CCZ1B: variants seen among roughly 807,000 people sequenced by gnomAD.
CCZ1B encodes vacuolar fusion protein CCZ1 homolog B.
CCZ1B carries 25 observed loss-of-function variants against 58.8 expected under a neutral mutation model. The ratio of observed to expected loss-of-function variants is 0.43; its 90% CI spans 0.31 to 0.59. CCZ1B has a LOEUF of 0.59. Among genes scored for constraint, CCZ1B ranks in the 20% least tolerant of loss-of-function variants. The pLI is 0.12. For missense variants in CCZ1B, 180 were observed against 501.5 expected (o/e 0.36, Z 6.12); for synonymous variants, 66 against 173.2 (o/e 0.38, Z 4.86).
In CCZ1B at chr7:6,799,085, C is replaced by T. The variant is rs1782714965; in HGVS notation, c.*139G>A. On this transcript the variant is annotated 3_prime_UTR_variant, in exon 15 of 15. Transcript: ENST00000316731. ...ATCTAAAAACCTCAGATCAGCAGACCGAGTCGAAATCTGATTCTTCAAAGC... is the reference window on the plus strand; with the variant it reads ...ATCTAAAAACCTCAGATCAGCAGACTGAGTCGAAATCTGATTCTTCAAAGC... 4.9e-6 allele frequency: 3 copies of T among 615,772 alleles called. No homozygotes were observed. Among genetic ancestry groups the T allele is most frequent in the East Asian group, 4.6e-5 (1 of 21,518 alleles). 38.1% of individuals were successfully genotyped at this position (615,772 alleles called of 1,614,324 possible).
In CCZ1B at chr7:6,824,494, C is replaced by T. The variant is rs1365975246; in HGVS notation, c.273G>A (p.Gln91=). 3.7e-6 allele frequency: 6 copies of T among 1,607,564 alleles called. No individual in the cohort carries two copies. The African/African-American group carries it at 8.3e-5, about 22-fold the overall frequency. The change falls in exon 3 of 15, where the codon CAG becomes CAA. Residue 91 remains glutamine, a synonymous_variant. Coordinates refer to ENST00000316731, the MANE Select transcript of CCZ1B (RefSeq NM_198097.5). The stretch of plus-strand genomic sequence containing the variant: ...AATTTTCTTCTGGTTCATTGAAGAA[C>T]TGTCTGTTCTTCTGTGTATGTAAAG... The part of the protein sequence containing the change: ...AKSLHTQKNR[Q]FFNEPEENFW...
chr7:6,809,080 A>T (rs1285288181), intron 10 of CCZ1B, among the ~76,000 whole-genome samples: 3 of 132,390 alleles, frequency 2.3e-5, no homozygotes, highest in African/African-American at 9.2e-5. Flanking sequence ...AAACACAGCA[A>T]GTGAAGGGTT....
At chr7:6,800,161 GT>G (rs1188581793) in intron 14 of CCZ1B, among the ~76,000 whole-genome samples, 1 of 112,070 alleles carries the variant, frequency 8.9e-6, no homozygotes, top group Admixed American at 9.7e-5. Flanking sequence ...CCGAGGTGAG[GT>G]CCCCTCTCTC....
chr7:6,822,451 A>G (rs567413089), intron 5 of CCZ1B, 87 bp from the exon 6 acceptor site: 16 of 1,455,232 alleles, frequency 1.1e-5, no homozygotes, highest in Admixed American at 2.9e-5. Context: ...CCTTTAGATT[A>G]TTAATTCAGC....
rs865851150 is a variant in CCZ1B at position 6,818,651 on chromosome 7, C to A, written c.698+1115G>T. ...AAGAAAGACAAGAAAGAAAGAAAGA[C>A]AGAAAGAAAGACAGACAGAAAGAAA... On this transcript the variant is annotated intron_variant, in intron 7 of 14. Transcript: ENST00000316731. Among the ~76,000 whole-genome samples, 648 of 123,116 alleles carry A rather than the reference C, an allele frequency of 5.3e-3. 30 individuals carry two copies. Among genetic ancestry groups the A allele is most frequent in the African/African-American group, 0.019 (590 of 30,682 alleles). The allele number at this position is 123,116 out of a possible 152,430, so 80.8% of individuals were successfully genotyped here. A position where few individuals can be genotyped will look rare whatever the true frequency, so the allele number is the denominator to read the frequency against.
Position 6,814,754 on chromosome 7 carries a change from C to A in CCZ1B, c.780+10G>T, listed in dbSNP as rs189822152. ...CATGTAATTGTGTGCAGCTATGGTA[C>A]CCATCATACCTCAGGTTCGATGTGC... is the stretch of plus-strand genomic sequence containing the variant. On this transcript the variant is annotated intron_variant, in intron 8 of 14. Transcript: ENST00000316731. The A allele has an allele frequency of 2.2e-4, 360 of 1,602,714 alleles. 3 individuals carry two copies. In the East Asian group the frequency reaches 6.0e-3, roughly 27 times the overall value.
At chr7:6,810,340 G>T (rs1331490378) in intron 10 of CCZ1B, among the ~76,000 whole-genome samples, 1 of 149,086 alleles carries the variant, frequency 6.7e-6, no homozygotes, top group East Asian at 1.9e-4. Context: ...CTTATCTGTG[G>T]TTGACAGCTT....
At chr7:6,810,290 G>T (rs1440608933) in intron 10 of CCZ1B, among the ~76,000 whole-genome samples, 2 of 147,174 alleles carry the variant, frequency 1.4e-5, no homozygotes, top group Non-Finnish European at 3.0e-5. Context: ...TGGGATTATA[G>T]GCGTGAGCCA....
intron 14 of CCZ1B, among the ~76,000 whole-genome samples, chr7:6,799,657 A>G (rs1270020371): frequency 3.5e-5 from 1 of 28,326 alleles, no homozygotes; most frequent in Non-Finnish European, 5.6e-5. Context: ...TTGGTCTCCC[A>G]AAGTGCTGGG....
In CCZ1B at chr7:6,815,643, C is replaced by T. The variant is rs553071625; in HGVS notation, c.699-798G>A. Among the ~76,000 whole-genome samples, 43 of 148,914 alleles carry T rather than the reference C, an allele frequency of 2.9e-4. 1 individual carries two copies. The highest frequency in any genetic ancestry group is 5.3e-4 in the Admixed American group (8 of 14,998). On this transcript the variant is annotated intron_variant, in intron 7 of 14. Transcript: ENST00000316731. ...TTTAACATTATATCAAGAGGCTCAC[C>T]ACCTGACCGCGAAGTTAAGGAAGGT...
At chr7:6,820,539 A>G (rs1224803556) in intron 6 of CCZ1B, among the ~76,000 whole-genome samples, 1 of 148,090 alleles carries the variant, frequency 6.8e-6, no homozygotes, top group Non-Finnish European at 1.5e-5. Context: ...CTGGTCTTGA[A>G]CTTCTGGCCT....
chr7:6,822,153 G>A (rs1245206902), intron 6 of CCZ1B, 128 bp downstream of exon 6: 34 of 1,403,510 alleles, frequency 2.4e-5, no homozygotes, highest in Non-Finnish European at 3.2e-5. Flanking sequence ...GCGACGGTCT[G>A]TCTCAGGCTC....
chr7:6,812,325 CTA>C (rs1489644117), intron 9 of CCZ1B: 8 of 424,968 alleles, frequency 1.9e-5, no homozygotes, highest in Non-Finnish European at 3.5e-5. Context: ...CTCATCTCTA[CTA>C]AAACTACAAA....
chr7:6,817,015 C>T (rs563006236), intron 7 of CCZ1B, among the ~76,000 whole-genome samples: 347 of 152,374 alleles, frequency 2.3e-3, no homozygotes, highest in African/African-American at 7.7e-3. Flanking sequence ...CCTCCTGCCT[C>T]AGCCTCCCAA....
At chr7:6,810,382 T>C (rs1239162862) in intron 10 of CCZ1B, among the ~76,000 whole-genome samples, 1 of 149,452 alleles carries the variant, frequency 6.7e-6, no homozygotes, top group East Asian at 1.9e-4. Context: ...CTCAAATTCA[T>C]TTTCTCTCAG....
rs1235198152 is a variant in CCZ1B, at chr7:6,822,557, G to A, written c.439-193C>T. 1.4e-5 allele frequency: 16 copies of A among 1,120,560 alleles called. No homozygotes were observed. In the South Asian group the frequency reaches 3.0e-4, roughly 21 times the overall value. The allele number at this position is 1,120,560 out of a possible 1,614,324, so 69.4% of individuals were successfully genotyped here. A position where few individuals can be genotyped will look rare whatever the true frequency, so the allele number is the denominator to read the frequency against. ...ACAAAAAATACTGTTAAGTGATGCT[G>A]TTTTATGAAACCACCTAATTGCTCT... On this transcript the variant is annotated intron_variant, in intron 5 of 14. Transcript: ENST00000316731.
intron 10 of CCZ1B, among the ~76,000 whole-genome samples, chr7:6,809,735 T>G (rs912709494): frequency 3.6e-5 from 5 of 137,144 alleles, no homozygotes; most frequent in Admixed American, 7.4e-5. Context: ...CACCATGTGA[T>G]GAATGAAACA....
intron 5 of CCZ1B, 195 bp from the exon 6 acceptor site, chr7:6,822,559 T>C (rs1043741974): frequency 9.2e-7 from 1 of 1,089,112 alleles, no homozygotes; most frequent in Non-Finnish European, 1.2e-6. Flanking sequence ...GTGATGCTGT[T>C]TTATGAAACC....
chr7:6,812,343 G>C (rs1222493866), intron 9 of CCZ1B: 2 of 391,914 alleles, frequency 5.1e-6, no homozygotes, highest in Non-Finnish European at 9.6e-6. Context: ...ACAAAAATTA[G>C]CTGGTTCTGG....
Sources: gnomAD v4.1 joint callset for allele counts (sites outside exome capture counted in the v4.1 genomes callset) on GRCh38, gnomAD v4.1.1 for gene constraint, MANE v1.5 for transcripts, NCBI Gene and HGNC (gene_info 2026-07-23, HGNC 2026-07-21) for gene names.